Variants in CDC42BPA observed in about 807,000 individuals in gnomAD.
CDC42BPA encodes the protein serine/threonine-protein kinase MRCK alpha.
A neutral mutation model predicts 223.5 loss-of-function variants in CDC42BPA; 80 were observed. That is an observed-to-expected ratio of 0.36 (90% CI 0.30 to 0.43). The LOEUF is 0.43. CDC42BPA is among the 20% of genes least tolerant of loss of function. CDC42BPA has a pLI of 1.00. For missense variants in CDC42BPA, 1,743 were observed against 2,099.9 expected (o/e 0.83, Z 3.32); for synonymous variants, 694 against 718.6 (o/e 0.97, Z 0.55).
At chr1:227,205,438 C>G (rs1572351520) in intron 3 of CDC42BPA, among the ~76,000 whole-genome samples, 1 of 151,468 alleles carries the variant, frequency 6.6e-6, no homozygotes, top group South Asian at 2.1e-4. Context: ...GAAAAATCAG[C>G]CTTGTAATAT....
At chr1:227,125,359 C>T (rs1689375446) in intron 11 of CDC42BPA, among the ~76,000 whole-genome samples, 1 of 151,876 alleles carries the variant, frequency 6.6e-6, no homozygotes, top group Non-Finnish European at 1.5e-5. Context: ...TCCCAAAAAT[C>T]CCAGCACTTT....
intron 21 of CDC42BPA, among the ~76,000 whole-genome samples, chr1:227,058,407 G>C (rs1401136603): frequency 3.3e-5 from 5 of 152,112 alleles, no homozygotes; most frequent in East Asian, 1.9e-4. Flanking sequence ...CCCTCATCTA[G>C]AACTTTCCGA....
chr1:227,219,544 A>G (rs554130917), intron 2 of CDC42BPA: 1 of 152,350 alleles, frequency 6.6e-6, no homozygotes, highest in South Asian at 2.1e-4. Flanking sequence ...ACTGTTTCCC[A>G]TGATTTATGC....
intron 21 of CDC42BPA, among the ~76,000 whole-genome samples, chr1:227,060,405 C>T (rs1330220154): frequency 2.0e-5 from 3 of 152,080 alleles, no homozygotes; most frequent in South Asian, 2.1e-4. Flanking sequence ...GCTCACAATA[C>T]GTTGGATACT....
intron 8 of CDC42BPA, among the ~76,000 whole-genome samples, chr1:227,144,622 C>CA (rs949427491): frequency 5.0e-5 from 6 of 119,752 alleles, no homozygotes; most frequent in African/African-American, 1.8e-4. Flanking sequence ...GCTAAAAAGG[C>CA]AAAAAACTCA....
At position 227,220,424 on chromosome 1, in the gene CDC42BPA, TTTA is replaced by T. The variant is rs1172201412; in HGVS notation, c.271-7208_271-7206del. On this transcript the variant is annotated intron_variant, in intron 2 of 36. Coordinates refer to ENST00000366766, the MANE Select transcript of CDC42BPA (RefSeq NM_001394014.1). ...TAAGAATATATATATACTTTGTCTTTTTATTATTGCTTTTTATTTCCATAGCTC... is the reference window on the plus strand; with the variant it reads ...TAAGAATATATATATACTTTGTCTTTTTATTGCTTTTTATTTCCATAGCTC... Among the ~76,000 whole-genome samples the T allele has an allele frequency of 4.0e-5, 6 of 150,298 alleles. No homozygotes were observed. In the East Asian group the frequency reaches 1.2e-3, roughly 29 times the overall value.
At chr1:227,164,543 G>A (rs1664681132) in intron 5 of CDC42BPA, among the ~76,000 whole-genome samples, 5 of 65,536 alleles carry the variant, frequency 7.6e-5, no homozygotes, top group Admixed American at 6.6e-4. Context: ...GTGCATGCCT[G>A]TGGTCCCAGC....
chr1:227,200,447 A>AAC (rs1671552722), intron 3 of CDC42BPA, among the ~76,000 whole-genome samples: 1 of 145,224 alleles, frequency 6.9e-6, no homozygotes, highest in African/African-American at 2.5e-5. Context: ...CAAACAAACA[A>AAC]AAAAAAAACG....
intron 1 of CDC42BPA, among the ~76,000 whole-genome samples, chr1:227,287,202 T>C (rs927524122): frequency 1.3e-5 from 2 of 152,136 alleles, no homozygotes; most frequent in African/African-American, 4.8e-5. Flanking sequence ...GGATGGTCTC[T>C]CTCCAATGCT....
chr1:227,158,418 T>C (rs1663221905), intron 6 of CDC42BPA, among the ~76,000 whole-genome samples: 1 of 152,122 alleles, frequency 6.6e-6, no homozygotes, highest in Non-Finnish European at 1.5e-5. Context: ...GTGAATAAGA[T>C]GTTATAGAGA....
intron 1 of CDC42BPA, among the ~76,000 whole-genome samples, chr1:227,256,038 C>G (rs1682979541): frequency 6.6e-6 from 1 of 152,032 alleles, no homozygotes; most frequent in Admixed American, 6.6e-5. Flanking sequence ...GAATTAATAC[C>G]AGAATATACA....
intron 2 of CDC42BPA, chr1:227,219,327 T>G (rs997212064): frequency 6.6e-5 from 10 of 152,120 alleles, no homozygotes; most frequent in East Asian, 1.9e-4. Context: ...CCAGAAGCCT[T>G]GAAGCTGCCG....
At chr1:227,173,075 T>C (rs1014144620) in intron 5 of CDC42BPA, among the ~76,000 whole-genome samples, 1 of 152,100 alleles carries the variant, frequency 6.6e-6, no homozygotes, top group African/African-American at 2.4e-5. Flanking sequence ...GTACAAATAG[T>C]GACAGATAAA....
In CDC42BPA at chr1:227,016,101, C is replaced by T; in HGVS notation, c.4836G>A (p.Gln1612=). Residue 1612 remains glutamine (Q), a synonymous_variant, in exon 34 of 37, where the codon CAG becomes CAA. Transcript: ENST00000366766. ...IAHMGPGDGI[Q]ILKDLPMNPR... is the part of the protein sequence containing the mutation. ...TTACCATGGGCAGATCTTTCAGGAT[C>T]TGTATTCCATCTCCAGGACCCATGT... 1 of 1,589,274 alleles carries T rather than the reference C, an allele frequency of 6.3e-7. No homozygotes were observed. Among genetic ancestry groups the T allele is most frequent in the Non-Finnish European group, 8.6e-7 (1 of 1,157,680 alleles).
rs1656132545 is a variant in CDC42BPA at position 227,127,722 on chromosome 1, G to A, written c.1513+1387C>T. ...TAAAGTAACAGAGATTAGATATATA[G>A]ATATTTCTTAGGAGGAGAGCCTCTT... On this transcript the variant is annotated intron_variant, in intron 11 of 36. Coordinates refer to ENST00000366766, the MANE Select transcript of CDC42BPA (RefSeq NM_001394014.1). Among the ~76,000 whole-genome samples the A allele has an allele frequency of 3.3e-5, 5 of 152,100 alleles. No individual in the cohort carries two copies. The South Asian group carries it at 1.0e-3, about 32-fold the overall frequency.
rs557449675 is a variant in CDC42BPA at position 227,014,570 on chromosome 1, G to A, written c.4857+1510C>T. Among the ~76,000 whole-genome samples, 17 of 151,526 alleles carry A rather than the reference G, an allele frequency of 1.1e-4. 1 individual carries two copies. In the East Asian group the frequency reaches 2.9e-3, roughly 26 times the overall value. On this transcript the variant is annotated intron_variant, in intron 34 of 36. Transcript: ENST00000366766. Reference sequence around the variant, plus strand: ...AAATGCAAACCTCCCTTTAAAAGGCGTTTTTTTTAATTTAAAGAAACTTGA... The same window carrying A: ...AAATGCAAACCTCCCTTTAAAAGGCATTTTTTTTAATTTAAAGAAACTTGA...
At chr1:227,018,830 A>G (rs890185138) in intron 32 of CDC42BPA, among the ~76,000 whole-genome samples, 1 of 152,244 alleles carries the variant, frequency 6.6e-6, no homozygotes, top group African/African-American at 2.4e-5. Flanking sequence ...TGTCTAAAAA[A>G]AATACATACC....
At chr1:227,221,150 C>A (rs765753558) in intron 2 of CDC42BPA, among the ~76,000 whole-genome samples, 2 of 152,190 alleles carry the variant, frequency 1.3e-5, no homozygotes, top group Non-Finnish European at 2.9e-5. Context: ...CTGCTTTACC[C>A]TTTCTTCATT....
chr1:227,257,592 A>T (rs1045275705), intron 1 of CDC42BPA, among the ~76,000 whole-genome samples: 3 of 150,650 alleles, frequency 2.0e-5, no homozygotes, highest in African/African-American at 5.0e-5. Flanking sequence ...TCTACCAAAA[A>T]TACAAAAATT....
Sources: allele counts gnomAD v4.1 joint callset (sites outside exome capture counted in the v4.1 genomes callset), GRCh38; gene constraint gnomAD v4.1.1; transcripts MANE v1.5; gene names NCBI Gene and HGNC (gene_info 2026-07-23, HGNC 2026-07-21).